PCDHA2: variants seen among roughly 807,000 people sequenced by gnomAD.
The protein encoded by PCDHA2 is protocadherin alpha-2.
In PCDHA2, 58 loss-of-function variants were observed where a neutral mutation model predicts 66.0. The observed-to-expected ratio is 0.88, with a 90% CI of 0.71 to 1.09. PCDHA2 has a LOEUF of 1.09. Ranked by LOEUF, PCDHA2 falls within the 50% of genes least tolerant of loss-of-function variation. The pLI, the probability that PCDHA2 is intolerant of heterozygous loss-of-function variation, is 0.00. For synonymous variants in PCDHA2, 634 were observed against 554.0 expected, an observed-to-expected ratio of 1.14 and a Z score of -2.03; for missense variants, 1,267 against 1,242.3, an observed-to-expected ratio of 1.02 and a Z score of -0.30.
At chr5:140,831,708 G>A (rs2150196932) in intron 1 of PCDHA2, among the ~76,000 whole-genome samples, 10 of 152,148 alleles carry the variant, frequency 6.6e-5, no homozygotes, top group Admixed American at 5.2e-4. Context: ...TAGTGATTAA[G>A]TGTGAGTTTT....
intron 1 of PCDHA2, chr5:140,858,539 T>G: frequency 7.1e-7 from 1 of 1,399,640 alleles, no homozygotes; most frequent in Admixed American, 2.0e-5. Context: ...TTTGTCTACA[T>G]TCCATTTATG....
chr5:140,814,664 A>C (rs2126657660), intron 1 of PCDHA2: 4 of 151,244 alleles, frequency 2.6e-5, no homozygotes, highest in African/African-American at 9.9e-5. Flanking sequence ...CACCACAAAC[A>C]TGTGAGTAAT....
chr5:140,883,834 G>T (rs891069385), intron 1 of PCDHA2: 3 of 1,612,540 alleles, frequency 1.9e-6, no homozygotes, highest in Non-Finnish European at 2.5e-6. Context: ...CGCTGCAGCC[G>T]TTGGACCACG....
At chr5:140,861,135 G>A (rs1182257816) in intron 1 of PCDHA2, 1 of 153,800 alleles carries the variant, frequency 6.5e-6, no homozygotes, top group East Asian at 1.9e-4. Context: ...AGACCACTTG[G>A]AACCTCAGGA....
intron 1 of PCDHA2, among the ~76,000 whole-genome samples, chr5:140,832,783 G>T (rs1772149172): frequency 6.6e-6 from 1 of 152,148 alleles, no homozygotes; most frequent in Non-Finnish European, 1.5e-5. Flanking sequence ...GTGCTAGAAA[G>T]GTACATCATA....
At chr5:140,926,391 A>G (rs76822698) in intron 1 of PCDHA2, 1 of 152,346 alleles carries the variant, frequency 6.6e-6, no homozygotes, top group East Asian at 1.9e-4. Context: ...GGGCTCAGCC[A>G]CAGTTATCAG....
At chr5:140,943,516 A>T (rs1202948180) in intron 1 of PCDHA2, among the ~76,000 whole-genome samples, 1 of 152,176 alleles carries the variant, frequency 6.6e-6, no homozygotes, top group Admixed American at 6.5e-5. Context: ...GGAAATGTTG[A>T]GTTCAGTATG....
chr5:140,803,160 G>A, intron 1 of PCDHA2: 1 of 1,613,870 alleles, frequency 6.2e-7, no homozygotes, highest in Non-Finnish European at 8.5e-7. Flanking sequence ...GAAGGACCAC[G>A]GTGAACCCTC....
intron 1 of PCDHA2, chr5:140,815,254 C>A (rs1765683212): frequency 2.0e-5 from 3 of 152,030 alleles, no homozygotes. Context: ...AGCTTGTAGA[C>A]TTTTTGCTCC....
intron 3 of PCDHA2, among the ~76,000 whole-genome samples, chr5:140,986,982 G>A (rs782173410): frequency 3.9e-5 from 6 of 152,164 alleles, no homozygotes; most frequent in Non-Finnish European, 8.8e-5. Context: ...GGGAGGCCAA[G>A]GCAGGCAGAT....
chr5:140,822,885 G>C (rs1554128940), intron 1 of PCDHA2: 45 of 1,614,086 alleles, frequency 2.8e-5, no homozygotes, highest in Non-Finnish European at 3.7e-5. Context: ...TCATTGCTCT[G>C]ATCAGCGTGT....
intron 1 of PCDHA2, chr5:140,927,498 G>A (rs782816586): frequency 3.1e-6 from 5 of 1,614,138 alleles, no homozygotes; most frequent in Middle Eastern, 1.6e-4. Context: ...ACCTGCTGGT[G>A]CTTACAGCTC....
intron 1 of PCDHA2, among the ~76,000 whole-genome samples, chr5:140,798,853 A>T (rs1762369499): frequency 6.6e-6 from 1 of 152,206 alleles, no homozygotes; most frequent in South Asian, 2.1e-4. Context: ...ACTGTCTTAA[A>T]CGGTCCTCTA....
intron 1 of PCDHA2, among the ~76,000 whole-genome samples, chr5:140,892,769 T>C (rs1182235195): frequency 6.6e-6 from 1 of 152,210 alleles, no homozygotes; most frequent in Non-Finnish European, 1.5e-5. Context: ...TCCACTCTTC[T>C]AGCTTCTTGA....
intron 1 of PCDHA2, among the ~76,000 whole-genome samples, chr5:140,902,424 G>A (rs1422453587): frequency 6.6e-6 from 1 of 152,038 alleles, no homozygotes; most frequent in African/African-American, 2.4e-5. Flanking sequence ...AGTGGTGAAA[G>A]TGGGCATCCT....
intron 1 of PCDHA2, among the ~76,000 whole-genome samples, chr5:140,960,030 C>T (rs75063622): frequency 0.012 from 1,781 of 152,150 alleles, 34 homozygotes; most frequent in African/African-American, 0.039. Flanking sequence ...TTGTTAAGTC[C>T]GGCTGTTTAT....
intron 1 of PCDHA2, among the ~76,000 whole-genome samples, chr5:140,940,440 G>T (rs1348385112): frequency 1.3e-5 from 2 of 151,928 alleles, no homozygotes; most frequent in Non-Finnish European, 2.9e-5. Flanking sequence ...AGTCTGCCAT[G>T]ATATTTTTTA....
rs561284006 is a variant in PCDHA2, at chr5:140,905,585, T to G, written c.2389-73364T>G. 2.0e-5 allele frequency among the ~76,000 whole-genome samples: 3 copies of G among 152,306 alleles called. No individual in the cohort carries two copies. The East Asian group carries it at 5.8e-4, about 29-fold the overall frequency. On this transcript the variant is annotated intron_variant, in intron 1 of 3. Coordinates refer to ENST00000526136, the MANE Select transcript of PCDHA2 (RefSeq NM_018905.3). ...AGTCATGTGAAGAATGATAATGATATTTTGCTGGGAATTGCATTGAATCTA... is the reference window on the plus strand; with the variant it reads ...AGTCATGTGAAGAATGATAATGATAGTTTGCTGGGAATTGCATTGAATCTA...
intron 1 of PCDHA2, chr5:140,883,596 TG>T (rs1562791192): frequency 7.4e-6 from 12 of 1,613,794 alleles, no homozygotes; most frequent in Non-Finnish European, 1.0e-5. Context: ...AGCGTGTCGG[TG>T]GGGGTGGCCG....
Sources: gnomAD v4.1 joint callset for allele counts (sites outside exome capture counted in the v4.1 genomes callset) on GRCh38, gnomAD v4.1.1 for gene constraint, MANE v1.5 for transcripts, NCBI Gene and HGNC (gene_info 2026-07-23, HGNC 2026-07-21) for gene names.